Variants in ACOT11 observed in about 807,000 individuals in gnomAD.
ACOT11 encodes the protein acyl-CoA thioesterase 11.
In ACOT11, 69 loss-of-function variants were observed where a neutral mutation model predicts 77.5. The observed-to-expected ratio is 0.89, with a 90% CI of 0.73 to 1.09. The LOEUF (loss-of-function observed/expected upper bound fraction) is 1.09, where lower values mean the gene tolerates loss of function less well. Among genes scored for constraint, ACOT11 ranks in the 50% least tolerant of loss-of-function variants. The pLI, the probability that ACOT11 is intolerant of heterozygous loss-of-function variation, is 0.00. For missense variants in ACOT11, 766 were observed against 813.7 expected (o/e 0.94, Z 0.71); for synonymous variants, 279 against 313.0 (o/e 0.89, Z 1.15).
Position 54,609,469 on chromosome 1 carries a change from G to C in ACOT11, c.*357G>C. 1 of 1,613,540 alleles carries C rather than the reference G, an allele frequency of 6.2e-7. No homozygotes were observed. The highest frequency in any genetic ancestry group is 2.2e-5 in the East Asian group (1 of 44,880). The stretch of plus-strand genomic sequence containing the variant: ...GCCTGCCTATGGCTCCAGCTGTGCT[G>C]TGGCCCAGCAGCATGGCCTGCATCT... On this transcript the variant is annotated 3_prime_UTR_variant, in exon 16 of 16. Coordinates refer to ENST00000343744, the MANE Select transcript of ACOT11 (RefSeq NM_147161.4).
At chr1:54,552,603 T>C (rs1389901191) in intron 1 of ACOT11, among the ~76,000 whole-genome samples, 1 of 152,138 alleles carries the variant, frequency 6.6e-6, no homozygotes, top group East Asian at 1.9e-4. Flanking sequence ...GCGATTCTCA[T>C]TTCTCGGCCT....
At chr1:54,588,754 TA>T (rs1654594294) in intron 3 of ACOT11, among the ~76,000 whole-genome samples, 1 of 151,994 alleles carries the variant, frequency 6.6e-6, no homozygotes, top group African/African-American at 2.4e-5. Flanking sequence ...TAGAGAGGGT[TA>T]GGGGTACATG....
chr1:54,562,567 G>T (rs1296704231), intron 1 of ACOT11, among the ~76,000 whole-genome samples: 1 of 143,032 alleles, frequency 7.0e-6, no homozygotes, highest in Non-Finnish European at 1.6e-5. Flanking sequence ...CCTCCCTCCC[G>T]GACGGGGTGG....
At chr1:54,564,631 C>T (rs1653672092) in intron 1 of ACOT11, among the ~76,000 whole-genome samples, 1 of 152,184 alleles carries the variant, frequency 6.6e-6, no homozygotes, top group South Asian at 2.1e-4. Context: ...TCTTTTGATC[C>T]CTTAGGGAGG....
intron 1 of ACOT11, among the ~76,000 whole-genome samples, chr1:54,561,033 T>G (rs1400582290): frequency 6.6e-6 from 1 of 152,138 alleles, no homozygotes; most frequent in Non-Finnish European, 1.5e-5. Context: ...CCCAAAGTGC[T>G]GGGATTACAG....
At chr1:54,577,849 G>A (rs1426192736) in intron 1 of ACOT11, among the ~76,000 whole-genome samples, 1 of 152,234 alleles carries the variant, frequency 6.6e-6, no homozygotes, top group Non-Finnish European at 1.5e-5. Flanking sequence ...CTGTGAGGCT[G>A]GAGCAAAGCC....
chr1:54,550,948 C>T (rs542812709), intron 1 of ACOT11, among the ~76,000 whole-genome samples: 11 of 143,336 alleles, frequency 7.7e-5, no homozygotes, highest in Admixed American at 1.4e-4. Context: ...GAGACCAGCT[C>T]GGCCAACATG....
At chr1:54,570,342 A>G (rs933115997) in intron 1 of ACOT11, among the ~76,000 whole-genome samples, 1 of 152,206 alleles carries the variant, frequency 6.6e-6, no homozygotes. Flanking sequence ...GGATGTGTTC[A>G]ACTGGCAGTG....
exon 17 of ACOT11, chr1:54,636,521 G>A (rs1644331328): frequency 6.6e-6 from 1 of 152,230 alleles, no homozygotes; most frequent in South Asian, 2.1e-4. Context: ...GTAGATGGAA[G>A]TATATTCCAT....
intron 15 of ACOT11, chr1:54,616,096 C>T: frequency 6.2e-7 from 1 of 1,614,132 alleles, no homozygotes; most frequent in Non-Finnish European, 8.5e-7. Context: ...GGGGGTGTGC[C>T]ATGATGGGAA....
chr1:54,576,078 G>A (rs896297909), intron 1 of ACOT11, among the ~76,000 whole-genome samples: 1 of 152,194 alleles, frequency 6.6e-6, no homozygotes, highest in African/African-American at 2.4e-5. Context: ...TCTCAGACTG[G>A]GGTTTTTAAG....
Position 54,605,133 on chromosome 1 carries a change from G to T in ACOT11, c.1294G>T (p.Val432Leu), listed in dbSNP as rs775388245. The T allele has an allele frequency of 6.2e-7, 1 of 1,613,984 alleles. No individual in the cohort carries two copies. Among genetic ancestry groups the T allele is most frequent in the Non-Finnish European group, 8.5e-7 (1 of 1,180,030 alleles). The change falls in exon 13 of 16, where the codon GTG becomes TTG. Residue 432 changes from valine to leucine, a missense_variant. Coordinates refer to ENST00000343744, the MANE Select transcript of ACOT11 (RefSeq NM_147161.4). ...CCTCTCCTTCCACATGGAGATGGTG[G>T]TGCATGTGGATGCAGCCCAGGCCTT... ...KFLSFHMEMV[V>L]HVDAAQAFLL...
chr1:54,557,833 A>C (rs1198052156), intron 1 of ACOT11, among the ~76,000 whole-genome samples: 1 of 152,094 alleles, frequency 6.6e-6, no homozygotes, highest in Non-Finnish European at 1.5e-5. Flanking sequence ...GGACAATTTA[A>C]CTTCCTTCTT....
At position 54,605,069 on chromosome 1, in the gene ACOT11, C is replaced by A; in HGVS notation, c.1237-7C>A. ...CAGCAAATGAGGCTGCCCTCTATCCCATGCAGGTCCGCCTGTACACTCTGG... is the reference window on the plus strand; with the variant it reads ...CAGCAAATGAGGCTGCCCTCTATCCAATGCAGGTCCGCCTGTACACTCTGG... On this transcript the variant is annotated splice_region_variant and splice_polypyrimidine_tract_variant and intron_variant, in intron 12 of 15. Transcript: ENST00000343744. The A allele has an allele frequency of 1.2e-6, 2 of 1,611,680 alleles. No individual in the cohort carries two copies. Among genetic ancestry groups the A allele is most frequent in the Non-Finnish European group, 1.7e-6 (2 of 1,179,080 alleles).
chr1:54,602,522 G>C (rs2101001442), intron 9 of ACOT11, 147 bp from the exon 10 acceptor site: 1 of 711,146 alleles, frequency 1.4e-6, no homozygotes, highest in East Asian at 3.3e-5. Context: ...TTCCCACTTT[G>C]CTGGCCAGGA....
downstream of ACOT11, chr1:54,611,077 A>G: frequency 2.1e-6 from 2 of 936,830 alleles, no homozygotes; most frequent in Non-Finnish European, 2.5e-6. Flanking sequence ...GTGACTGTAT[A>G]AATTCCTGAA....
intron 15 of ACOT11, chr1:54,628,194 TG>T (rs141040080): frequency 0.019 from 2,508 of 134,370 alleles, 588 homozygotes; most frequent in Admixed American, 0.04. Context: ...CTTCCCACAC[TG>T]CATTGCTTAG....
chr1:54,616,090 G>GC lies in ACOT11; in HGVS notation c.1629+8022_1629+8023insC, dbSNP rs371885641. 7.4e-6 allele frequency: 12 copies of GC among 1,614,052 alleles called. No homozygotes were observed. In the African/African-American group the frequency reaches 1.5e-4, roughly 20 times the overall value. Reference sequence around the variant, plus strand: ...TGTTGTCACTGTAGATAGTGGGGGGGTGTGCCATGATGGGAACTCCTGTCT... The same window carrying GC: ...TGTTGTCACTGTAGATAGTGGGGGGGCTGTGCCATGATGGGAACTCCTGTCT... On this transcript the variant is annotated intron_variant, in intron 15 of 16. Transcript: ENST00000371316.
At chr1:54,632,364 C>A (rs1346774213) in intron 16 of ACOT11, among the ~76,000 whole-genome samples, 3 of 152,238 alleles carry the variant, frequency 2.0e-5, no homozygotes, top group Non-Finnish European at 4.4e-5. Flanking sequence ...GCCTGCGGAA[C>A]CCCGGCAAAG....
Sources: allele counts gnomAD v4.1 joint callset (sites outside exome capture counted in the v4.1 genomes callset), GRCh38; gene constraint gnomAD v4.1.1; transcripts MANE v1.5; gene names NCBI Gene and HGNC (gene_info 2026-07-23, HGNC 2026-07-21).